AFF3: variants seen among roughly 807,000 people sequenced by gnomAD.
AFF3 encodes AF4/FMR2 family member 3.
AFF3 carries 32 observed loss-of-function variants against 129.7 expected under a neutral mutation model. The ratio of observed to expected loss-of-function variants is 0.25; its 90% CI spans 0.19 to 0.33. The LOEUF is 0.33. Among genes scored for constraint, AFF3 ranks in the 10% least tolerant of loss-of-function variants. AFF3 has a pLI of 1.00. For missense variants in AFF3, 1,373 were observed against 1,592.0 expected (o/e 0.86, Z 2.34); for synonymous variants, 644 against 635.4 (o/e 1.01, Z -0.20).
intron 8 of AFF3, among the ~76,000 whole-genome samples, chr2:99,753,246 C>T (rs918262466): frequency 3.3e-5 from 5 of 152,002 alleles, no homozygotes; most frequent in African/African-American, 7.3e-5. Flanking sequence ...ATTACAGGTG[C>T]GTGCCACCAT....
intron 19 of AFF3, among the ~76,000 whole-genome samples, chr2:99,566,730 A>C (rs572023104): frequency 6.6e-6 from 1 of 152,314 alleles, no homozygotes; most frequent in South Asian, 2.1e-4. Context: ...GTAATTACAT[A>C]TTCTAACTCT....
chr2:99,872,422 G>A (rs1186148257), intron 7 of AFF3, among the ~76,000 whole-genome samples: 4 of 151,724 alleles, frequency 2.6e-5, no homozygotes, highest in Non-Finnish European at 4.4e-5. Context: ...ACCACAGAGC[G>A]AAGGGGATCT....
Position 99,938,428 on chromosome 2 carries a change from C to A in AFF3, c.873+68204G>T, listed in dbSNP as rs1369549798. Among the ~76,000 whole-genome samples the A allele has an allele frequency of 2.7e-5, 4 of 149,660 alleles. No individual in the cohort carries two copies. The South Asian group carries it at 6.3e-4, about 23-fold the overall frequency. On this transcript the variant is annotated intron_variant, in intron 7 of 24. Transcript: ENST00000672756. The stretch of plus-strand genomic sequence containing the variant: ...GGTGCTCAAAATAGTACATGACACA[C>A]AGTCGATGATGATGATGATGATGAT...
intron 8 of AFF3, among the ~76,000 whole-genome samples, chr2:99,783,444 T>C (rs945882675): frequency 1.3e-5 from 2 of 152,172 alleles, no homozygotes; most frequent in Non-Finnish European, 2.9e-5. Context: ...TGTGCTGCAG[T>C]GTGAGGGAAC....
At chr2:100,094,410 A>G (rs1363105699) in intron 4 of AFF3, among the ~76,000 whole-genome samples, 1 of 152,174 alleles carries the variant, frequency 6.6e-6, no homozygotes, top group Non-Finnish European at 1.5e-5. Context: ...CCTAGATCCC[A>G]CACATGCTCG....
At chr2:99,772,572 A>G (rs769259614) in intron 8 of AFF3, among the ~76,000 whole-genome samples, 9 of 152,162 alleles carry the variant, frequency 5.9e-5, no homozygotes, top group Non-Finnish European at 1.3e-4. Flanking sequence ...TTTTTCTAGC[A>G]TTTGTTTTTT....
At chr2:99,868,310 T>A (rs1273461613) in intron 7 of AFF3, among the ~76,000 whole-genome samples, 1 of 152,158 alleles carries the variant, frequency 6.6e-6, no homozygotes, top group Non-Finnish European at 1.5e-5. Context: ...AAGTAGCTAA[T>A]TGTATCTGCT....
intron 4 of AFF3, among the ~76,000 whole-genome samples, chr2:100,011,191 A>T (rs969020721): frequency 6.6e-6 from 1 of 152,122 alleles, no homozygotes; most frequent in Non-Finnish European, 1.5e-5. Flanking sequence ...GGAGAACGGC[A>T]CGAACCCGGG....
chr2:99,747,175 C>A (rs527929311), intron 9 of AFF3, among the ~76,000 whole-genome samples: 1 of 151,854 alleles, frequency 6.6e-6, no homozygotes, highest in Non-Finnish European at 1.5e-5. Context: ...ATTACAGGCA[C>A]CTGCCACCAG....
At chr2:99,735,162 A>C (rs1680147568) in intron 10 of AFF3, among the ~76,000 whole-genome samples, 1 of 152,170 alleles carries the variant, frequency 6.6e-6, no homozygotes, top group South Asian at 2.1e-4. Flanking sequence ...AGTTTTGAAA[A>C]AATTTTGGTA....
intron 17 of AFF3, among the ~76,000 whole-genome samples, chr2:99,579,213 C>G (rs1346521132): frequency 6.6e-6 from 1 of 151,408 alleles, no homozygotes; most frequent in Non-Finnish European, 1.5e-5. Context: ...CGAGGCCAGA[C>G]TGACCAACAT....
chr2:99,939,191 T>C (rs1158040219), intron 7 of AFF3, among the ~76,000 whole-genome samples: 1 of 152,236 alleles, frequency 6.6e-6, no homozygotes, highest in Non-Finnish European at 1.5e-5. Context: ...AGATTTCTGC[T>C]TGATCAACTT....
chr2:99,921,737 T>G (rs1695871124), intron 7 of AFF3, among the ~76,000 whole-genome samples: 1 of 152,112 alleles, frequency 6.6e-6, no homozygotes, highest in Admixed American at 6.6e-5. Context: ...TAAAAATATC[T>G]GTTCATCAAA....
At chr2:99,713,748 A>G (rs1252125473) in intron 11 of AFF3, among the ~76,000 whole-genome samples, 1 of 150,012 alleles carries the variant, frequency 6.7e-6, no homozygotes, top group East Asian at 2.0e-4. Context: ...CTCTGGCTAG[A>G]GTGGCAATGG....
At chr2:99,829,094 C>T (rs1688326307) in intron 8 of AFF3, among the ~76,000 whole-genome samples, 1 of 152,066 alleles carries the variant, frequency 6.6e-6, no homozygotes, top group Non-Finnish European at 1.5e-5. Flanking sequence ...CATTTCTGAT[C>T]ACAAAAACAT....
At chr2:99,730,919 A>G (rs1446109648) in intron 10 of AFF3, among the ~76,000 whole-genome samples, 2 of 152,144 alleles carry the variant, frequency 1.3e-5, no homozygotes, top group African/African-American at 4.8e-5. Flanking sequence ...CTTTTATTTT[A>G]AATTCTGTTA....
intron 8 of AFF3, among the ~76,000 whole-genome samples, chr2:99,765,382 G>C (rs561466603): frequency 5.2e-4 from 79 of 152,310 alleles, no homozygotes; most frequent in African/African-American, 1.8e-3. Context: ...ATTTGGAAAT[G>C]TGCATTCAAT....
chr2:99,565,763 A>T, intron 19 of AFF3, 140 bp from the exon 20 acceptor site: 1 of 958,280 alleles, frequency 1.0e-6, no homozygotes, highest in Non-Finnish European at 1.5e-6. Context: ...AAAGAAATAG[A>T]ATACTTCTTT....
At chr2:99,905,212 G>A (rs1331438718) in intron 7 of AFF3, among the ~76,000 whole-genome samples, 2 of 152,216 alleles carry the variant, frequency 1.3e-5, no homozygotes, top group East Asian at 3.9e-4. Context: ...GGAGGAACTT[G>A]CTGCTCTTGC....
Sources: allele counts gnomAD v4.1 joint callset (sites outside exome capture counted in the v4.1 genomes callset), GRCh38; gene constraint gnomAD v4.1.1; transcripts MANE v1.5; gene names NCBI Gene and HGNC (gene_info 2026-07-23, HGNC 2026-07-21).